The following PLCB4 variants were observed in gnomAD, a reference collection of about 807,000 sequenced individuals.
The protein encoded by PLCB4 is 1-phosphatidylinositol 4,5-bisphosphate phosphodiesterase beta-4.
PLCB4 carries 77 observed loss-of-function variants against 178.8 expected under a neutral mutation model. The ratio of observed to expected loss-of-function variants is 0.43; its 90% confidence interval spans 0.36 to 0.52. PLCB4 has a LOEUF of 0.52. Among genes scored for constraint, PLCB4 ranks in the 20% least tolerant of loss-of-function variants. The pLI is 0.00. For synonymous variants in PLCB4, 496 were observed against 490.8 expected (o/e 1.01, Z -0.14); for missense variants, 1,024 against 1,453.4 (o/e 0.70, Z 4.80).
chr20:9,242,998 TC>T (rs1377288863), intron 3 of PLCB4, among the ~76,000 whole-genome samples: 1 of 152,174 alleles, frequency 6.6e-6, no homozygotes, highest in Non-Finnish European at 1.5e-5. Flanking sequence ...ATACAGGACA[TC>T]CAGCTATATT....
At chr20:9,377,738 A>G (rs1213715946) in intron 12 of PLCB4, among the ~76,000 whole-genome samples, 1 of 152,172 alleles carries the variant, frequency 6.6e-6, no homozygotes, top group East Asian at 1.9e-4. Flanking sequence ...TGAATGTCAT[A>G]CCCTCTGACT....
intron 2 of PLCB4, among the ~76,000 whole-genome samples, chr20:9,171,888 C>A (rs965565543): frequency 2.0e-5 from 3 of 152,156 alleles, no homozygotes; most frequent in Admixed American, 6.6e-5. Context: ...ATCAATCGAT[C>A]TTCCATATTT....
chr20:9,456,176 G>A (rs1313603639), intron 33 of PLCB4, among the ~76,000 whole-genome samples: 2 of 152,210 alleles, frequency 1.3e-5, no homozygotes, highest in Non-Finnish European at 2.9e-5. Context: ...TAAAAAGTTA[G>A]TGAAAGGGGA....
At position 9,072,792 on chromosome 20, in the gene PLCB4, G is replaced by C. The variant is rs564710953; in HGVS notation, c.-135+3586G>C. Among the ~76,000 whole-genome samples, 4 of 152,246 alleles carry C rather than the reference G, an allele frequency of 2.6e-5. No individual in the cohort carries two copies. The East Asian group carries it at 5.8e-4, about 22-fold the overall frequency. ...TGCTGTACCTTTCAAATCTCAGCTAGGAGATCCTTATGTTCCAGGGAATGA... is the reference window on the plus strand; with the variant it reads ...TGCTGTACCTTTCAAATCTCAGCTACGAGATCCTTATGTTCCAGGGAATGA... On this transcript the variant is annotated intron_variant, in intron 1 of 39. Transcript: ENST00000378473.
chr20:9,405,625 A>G (rs1240962338), intron 21 of PLCB4, among the ~76,000 whole-genome samples: 1 of 152,236 alleles, frequency 6.6e-6, no homozygotes, highest in East Asian at 1.9e-4. Context: ...TCAAATCCAT[A>G]TTATAGCATA....
intron 2 of PLCB4, among the ~76,000 whole-genome samples, chr20:9,190,876 A>G (rs2093393741): frequency 6.6e-6 from 1 of 152,222 alleles, no homozygotes; most frequent in African/African-American, 2.4e-5. Flanking sequence ...TTAATTGCCC[A>G]AGGTCACACA....
chr20:9,129,688 C>G (rs1031049213), intron 2 of PLCB4, among the ~76,000 whole-genome samples: 4 of 152,076 alleles, frequency 2.6e-5, no homozygotes, highest in African/African-American at 7.2e-5. Context: ...GCCTTCCCAC[C>G]CCATTCAAGT....
intron 4 of PLCB4, among the ~76,000 whole-genome samples, chr20:9,323,500 C>A (rs2029867327): frequency 1.3e-5 from 2 of 152,216 alleles, no homozygotes; most frequent in South Asian, 4.1e-4. Context: ...TATGATCCAG[C>A]AATTCCTTAG....
At chr20:9,163,292 A>G (rs1230022984) in intron 2 of PLCB4, among the ~76,000 whole-genome samples, 1 of 152,216 alleles carries the variant, frequency 6.6e-6, no homozygotes, top group East Asian at 1.9e-4. Context: ...GAAATTTTTC[A>G]CTAAAAGTAG....
intron 2 of PLCB4, among the ~76,000 whole-genome samples, chr20:9,186,862 C>T (rs1214237794): frequency 6.6e-6 from 1 of 152,184 alleles, no homozygotes; most frequent in African/African-American, 2.4e-5. Context: ...TCAGTTCTGC[C>T]TCTGATGGTT....
intron 30 of PLCB4, among the ~76,000 whole-genome samples, chr20:9,440,678 C>G (rs1277033064): frequency 3.9e-5 from 6 of 152,058 alleles, no homozygotes; most frequent in African/African-American, 1.4e-4. Context: ...GGGAGAAATT[C>G]CAAAGTCACA....
intron 3 of PLCB4, among the ~76,000 whole-genome samples, chr20:9,285,499 C>A (rs1355281747): frequency 6.6e-6 from 1 of 151,872 alleles, no homozygotes; most frequent in African/African-American, 2.4e-5. Context: ...GAAATCTTGG[C>A]CCTCTTTTAT....
At chr20:9,460,140 T>A (rs144863325) in intron 35 of PLCB4, among the ~76,000 whole-genome samples, 58 of 152,244 alleles carry the variant, frequency 3.8e-4, no homozygotes, top group African/African-American at 1.4e-3. Context: ...GGCTTACAGG[T>A]GTTGGCAAGA....
At chr20:9,286,670 TCA>T (rs2094539156) in intron 3 of PLCB4, among the ~76,000 whole-genome samples, 1 of 152,046 alleles carries the variant, frequency 6.6e-6, no homozygotes. Context: ...ACAGTGGGAT[TCA>T]CAGTTATTTT....
At chr20:9,087,999 G>A (rs983626699) in intron 1 of PLCB4, among the ~76,000 whole-genome samples, 3 of 152,050 alleles carry the variant, frequency 2.0e-5, no homozygotes, top group African/African-American at 7.2e-5. Flanking sequence ...ATCAGACCCC[G>A]AGGGCACAGC....
chr20:9,478,933 C>A lies in PLCB4; in HGVS notation c.3545C>A (p.Ala1182Glu). 1 of 1,613,120 alleles carries A rather than the reference C, an allele frequency of 6.2e-7. No individual in the cohort carries two copies. The highest frequency in any genetic ancestry group is 8.5e-7 in the Non-Finnish European group (1 of 1,179,218). The change falls in exon 40 of 40, where the codon GCA becomes GAA. Residue 1182 changes from alanine (A) to glutamate (E), a missense_variant. Physicochemically the swap from Ala to Glu is moderately radical, Grantham distance 107 (BLOSUM62 -1). This residue lies in a region of PLCB4 where 264 missense variants were observed against 283.2 expected (regional missense o/e 0.93). Transcript: ENST00000378473. ...AVSQTQGEGD[A>E]ADGEIGSRDG... Reference sequence around the variant, plus strand: ...TCTGATGTTATAGGCGAAGGAGATGCAGCAGATGGTGAAATTGGAAGCCGA... The same window carrying A: ...TCTGATGTTATAGGCGAAGGAGATGAAGCAGATGGTGAAATTGGAAGCCGA...
intron 7 of PLCB4, among the ~76,000 whole-genome samples, chr20:9,341,098 T>C (rs35111004): frequency 0.067 from 10,130 of 152,182 alleles, 362 homozygotes; most frequent in Middle Eastern, 0.095. Flanking sequence ...CCCACTTTGC[T>C]CTGTGCCCTG....
Position 9,073,495 on chromosome 20 carries a change from C to T in PLCB4, c.-135+4289C>T, listed in dbSNP as rs117196525. On this transcript the variant is annotated intron_variant, in intron 1 of 39. Transcript: ENST00000378473. Reference sequence around the variant, plus strand: ...GGGTTGAAGAGAAACACATGTATTACTTCACATATCCCTTTAAAGAGTTAT... The same window carrying T: ...GGGTTGAAGAGAAACACATGTATTATTTCACATATCCCTTTAAAGAGTTAT... 7.0e-3 allele frequency among the ~76,000 whole-genome samples: 1,066 copies of T among 152,204 alleles called. 10 individuals carry two copies. The highest frequency in any genetic ancestry group is 0.012 in the Non-Finnish European group (798 of 68,010).
Position 9,393,779 on chromosome 20 carries a change from G to T in PLCB4, c.1414+101G>T, listed in dbSNP as rs1446697817. The T allele has an allele frequency of 3.9e-6, 3 of 776,146 alleles. No homozygotes were observed. The East Asian group carries it at 7.8e-5, about 20-fold the overall frequency. 48.1% of individuals were successfully genotyped at this position (776,146 alleles called of 1,614,324 possible). A position where few individuals can be genotyped will look rare whatever the true frequency, so the allele number is the denominator to read the frequency against. On this transcript the variant is annotated intron_variant, in intron 18 of 39. Transcript: ENST00000378473. The stretch of plus-strand genomic sequence containing the variant: ...TATTTTAAAACCACTGATTTTTGGG[G>T]GAAGGGTGTAGGGGTGATGTTACAG...
Sources: gnomAD v4.1 joint callset for allele counts (sites outside exome capture counted in the v4.1 genomes callset) on GRCh38, gnomAD v4.1.1 for gene constraint, gnomAD v4.1.1 regional missense constraint, MANE v1.5 for transcripts, NCBI Gene and HGNC (gene_info 2026-07-23, HGNC 2026-07-21) for gene names.